Variants in CFTR observed in about 807,000 individuals in gnomAD.
CFTR encodes CF transmembrane conductance regulator, also known as cystic fibrosis transmembrane conductance regulator.
Under a neutral mutation model 171.6 loss-of-function variants are expected in CFTR, and 181 were observed. The observed-to-expected ratio is 1.05, with a 90% CI of 0.93 to 1.19. The LOEUF is 1.19. CFTR is among the 50% of genes most tolerant of loss of function. The pLI, the probability that CFTR is intolerant of heterozygous loss-of-function variation, is 0.00. For missense variants in CFTR, 1,968 were observed against 1,734.7 expected (o/e 1.13, Z -2.39); for synonymous variants, 583 against 608.0 (o/e 0.96, Z 0.60).
intron 18 of CFTR, among the ~76,000 whole-genome samples, chr7:117,608,568 A>G (rs1792336806): frequency 6.6e-6 from 1 of 152,216 alleles, no homozygotes; most frequent in Non-Finnish European, 1.5e-5. Flanking sequence ...GTGATTAGGC[A>G]GAGGTCTTTT....
In CFTR at chr7:117,667,491, A is replaced by T. The variant is rs1793405345; in HGVS notation, c.*383A>T. ...AACTCGTTAATTTGTAGTGTTGGAG[A>T]AGAACTGAAATCATACTTCTTAGGG... On this transcript the variant is annotated 3_prime_UTR_variant, in exon 27 of 27. Coordinates refer to ENST00000003084, the MANE Select transcript of CFTR (RefSeq NM_000492.4). 1 of 336,502 alleles carries T rather than the reference A, an allele frequency of 3.0e-6. No homozygotes were observed. The allele number at this position is 336,502 out of a possible 1,614,324, so 20.8% of individuals were successfully genotyped here.
rs397508483 is a variant in CFTR, at chr7:117,610,553, T to A, written c.3023T>A (p.Val1008Asp). The change falls in exon 19 of 27, where the codon GTC becomes GAC. Residue 1008 changes from valine to aspartate, a missense_variant. Transcript: ENST00000003084. ...LLIVIGAIAV[V>D]AVLQPYIFVA... ...ATTGTGATTGGAGCTATAGCAGTTGTCGCAGTTTTACAACCCTACATCTTT... is the reference window on the plus strand; with the variant it reads ...ATTGTGATTGGAGCTATAGCAGTTGACGCAGTTTTACAACCCTACATCTTT... The A allele has an allele frequency of 6.2e-7, 1 of 1,613,634 alleles. No homozygotes were observed. Among genetic ancestry groups the A allele is most frequent in the Non-Finnish European group, 8.5e-7 (1 of 1,179,696 alleles).
chr7:117,580,386 T>C (rs1439904903), intron 11 of CFTR, among the ~76,000 whole-genome samples: 1 of 152,028 alleles, frequency 6.6e-6, no homozygotes, highest in Admixed American at 6.6e-5. Context: ...CTGTTGGTGG[T>C]GGTGATTATG....
At chr7:117,532,864 C>G (rs1366275129) in intron 4 of CFTR, among the ~76,000 whole-genome samples, 1 of 152,140 alleles carries the variant, frequency 6.6e-6, no homozygotes, top group Non-Finnish European at 1.5e-5. Flanking sequence ...GGTTTGCTCC[C>G]TAAAGTAAAC....
chr7:117,575,899 T>C (rs986481379), intron 11 of CFTR, among the ~76,000 whole-genome samples: 4 of 152,202 alleles, frequency 2.6e-5, no homozygotes, highest in Non-Finnish European at 5.9e-5. Context: ...TGGGATCTTT[T>C]GTTGTAGAGA....
chr7:117,489,162 A>G (rs957471636), intron 1 of CFTR, among the ~76,000 whole-genome samples: 8 of 152,112 alleles, frequency 5.3e-5, no homozygotes, highest in African/African-American at 1.9e-4. Flanking sequence ...TATGCCTTGA[A>G]ATTATACTGC....
intron 12 of CFTR, among the ~76,000 whole-genome samples, 187 bp downstream of exon 12, chr7:117,588,020 A>G (rs1202656870): frequency 2.0e-5 from 3 of 152,120 alleles, no homozygotes; most frequent in Non-Finnish European, 4.4e-5. Flanking sequence ...CAGATTTGGT[A>G]GAGATTATGG....
chr7:117,545,971 A>G (rs778915990), intron 9 of CFTR, among the ~76,000 whole-genome samples: 21 of 150,654 alleles, frequency 1.4e-4, no homozygotes, highest in Non-Finnish European at 2.4e-4. Flanking sequence ...GACACACACC[A>G]CCATGCCTAG....
intron 1 of CFTR, among the ~76,000 whole-genome samples, chr7:117,496,767 G>T (rs1237227534): frequency 6.6e-6 from 1 of 152,074 alleles, no homozygotes; most frequent in Non-Finnish European, 1.5e-5. Flanking sequence ...TTCCAAAGTG[G>T]CTGCATCATT....
At chr7:117,650,837 C>T (rs979848516) in intron 23 of CFTR, among the ~76,000 whole-genome samples, 1 of 152,118 alleles carries the variant, frequency 6.6e-6, no homozygotes, top group Non-Finnish European at 1.5e-5. Context: ...CATTTGGCTG[C>T]TGCTGCCCAA....
At chr7:117,592,886 T>C (rs1453986969) in intron 14 of CFTR, among the ~76,000 whole-genome samples, 1 of 152,240 alleles carries the variant, frequency 6.6e-6, no homozygotes, top group Non-Finnish European at 1.5e-5. Context: ...GGAAAGGATT[T>C]AGTTTTTGGT....
At chr7:117,534,941 G>T (rs1390459148) in intron 5 of CFTR, among the ~76,000 whole-genome samples, 1 of 152,170 alleles carries the variant, frequency 6.6e-6, no homozygotes, top group African/African-American at 2.4e-5. Context: ...TATGCAAAAA[G>T]AAGTAAGTTA....
intron 10 of CFTR, among the ~76,000 whole-genome samples, chr7:117,556,814 C>T (rs550401466): frequency 4.2e-4 from 64 of 151,870 alleles, no homozygotes; most frequent in African/African-American, 1.2e-3. Flanking sequence ...CCACCGCGCC[C>T]GGCCTGTTTC....
chr7:117,522,553 T>C (rs972043679), intron 3 of CFTR, among the ~76,000 whole-genome samples: 2 of 152,246 alleles, frequency 1.3e-5, no homozygotes, highest in Non-Finnish European at 2.9e-5. Context: ...CCATCTTGAT[T>C]TGTGTCTGAT....
chr7:117,635,316 A>C (rs1264590769), intron 22 of CFTR, among the ~76,000 whole-genome samples: 2 of 151,830 alleles, frequency 1.3e-5, no homozygotes. Context: ...CCTTACTTTT[A>C]GTTTATATGT....
rs1321687296 is a variant in CFTR at position 117,590,393 on chromosome 7, CCTTTTG to C, written c.1721_1726del (p.Pro574_Gly576delinsArg). The C allele has an allele frequency of 6.2e-7, 1 of 1,603,350 alleles. No individual in the cohort carries two copies. The highest frequency in any genetic ancestry group is 1.1e-5 in the South Asian group (1 of 90,902). Reference sequence around the variant, plus strand: ...TGCTGATTTGTATTTATTAGACTCTCCTTTTGGATACCTAGATGTTTTAACAGAAAA... The same window carrying C: ...TGCTGATTTGTATTTATTAGACTCTCGATACCTAGATGTTTTAACAGAAAA... On this transcript the variant is annotated inframe_deletion, in exon 13 of 27. Coordinates refer to ENST00000003084, the MANE Select transcript of CFTR (RefSeq NM_000492.4).
rs528367157 is a variant in CFTR at position 117,523,667 on chromosome 7, G to A, written c.274-7232G>A. ...GCTGGGATTACAGGCGTGAGCCACC[G>A]CGCCCGGCCCCTGTCTCTGAATTTT... On this transcript the variant is annotated intron_variant, in intron 3 of 26. Transcript: ENST00000003084. Among the ~76,000 whole-genome samples the A allele has an allele frequency of 3.5e-4, 53 of 152,246 alleles. No individual in the cohort carries two copies. In the South Asian group the frequency reaches 0.011, roughly 31 times the overall value.
chr7:117,650,478 A>G (rs1562925532), intron 23 of CFTR, among the ~76,000 whole-genome samples: 2 of 152,006 alleles, frequency 1.3e-5, no homozygotes, highest in African/African-American at 2.4e-5. Context: ...GTTTGTAGAC[A>G]TACCTTCCAG....
At chr7:117,546,308 A>T (rs1799146411) in intron 9 of CFTR, among the ~76,000 whole-genome samples, 1 of 151,508 alleles carries the variant, frequency 6.6e-6, no homozygotes, top group South Asian at 2.1e-4. Flanking sequence ...CTAATTTTTA[A>T]TTTTTTTGTA....
Sources: allele counts gnomAD v4.1 joint callset (sites outside exome capture counted in the v4.1 genomes callset), GRCh38; gene constraint gnomAD v4.1.1; transcripts MANE v1.5; gene names NCBI Gene and HGNC (gene_info 2026-07-23, HGNC 2026-07-21).